DCUN1D4: variants seen among roughly 807,000 people sequenced by gnomAD.
The protein encoded by DCUN1D4 is DCN1-like protein 4.
In DCUN1D4, 22 loss-of-function variants were observed where a neutral mutation model predicts 47.9. The observed-to-expected ratio is 0.46, with a 90% confidence interval of 0.33 to 0.66. The LOEUF (loss-of-function observed/expected upper bound fraction) is 0.66. DCUN1D4 is among the 30% of genes least tolerant of loss of function. The pLI, the probability that DCUN1D4 is intolerant of heterozygous loss-of-function variation, is 0.02. For missense variants in DCUN1D4, 301 were observed against 340.8 expected (o/e 0.88, Z 0.92); for synonymous variants, 121 against 112.2 (o/e 1.08, Z -0.50).
chr4:51,854,129 T>G (rs1723782781), intron 1 of DCUN1D4, among the ~76,000 whole-genome samples: 1 of 152,234 alleles, frequency 6.6e-6, no homozygotes, highest in East Asian at 1.9e-4. Flanking sequence ...TCTTTGTGTT[T>G]TAGTAATTTA....
intron 3 of DCUN1D4, among the ~76,000 whole-genome samples, chr4:51,872,641 A>G (rs1289213848): frequency 2.0e-5 from 3 of 152,002 alleles, no homozygotes; most frequent in Non-Finnish European, 4.4e-5. Context: ...CTCTGTCCTT[A>G]GTCCTCTGTT....
intron 4 of DCUN1D4, among the ~76,000 whole-genome samples, chr4:51,875,781 A>G (rs912703524): frequency 3.9e-5 from 6 of 152,234 alleles, no homozygotes; most frequent in Admixed American, 1.3e-4. Flanking sequence ...GAAATAGCAT[A>G]TATCAGCATA....
At chr4:51,867,451 G>A (rs973908349) in intron 3 of DCUN1D4, among the ~76,000 whole-genome samples, 1 of 152,212 alleles carries the variant, frequency 6.6e-6, no homozygotes, top group South Asian at 2.1e-4. Context: ...GAAGAATGAG[G>A]TATGCAGACA....
At chr4:51,834,114 C>CTTTTTTTTTTTTTTTTTT in the DCUN1D4 span, among the ~76,000 whole-genome samples, 2 of 37,204 alleles carry the variant, frequency 5.4e-5, no homozygotes, top group African/African-American at 2.1e-4. Flanking sequence ...TTTTTTTTTT[C>CTTTTTTTTTTTTTTTTTT]TTTTTTTTTT....
chr4:51,854,993 C>G (rs1006274825), intron 1 of DCUN1D4, among the ~76,000 whole-genome samples: 2 of 152,150 alleles, frequency 1.3e-5, no homozygotes, highest in African/African-American at 2.4e-5. Context: ...CTGAAATGCT[C>G]TGGTCCCAAG....
upstream of DCUN1D4, among the ~76,000 whole-genome samples, chr4:51,839,083 C>CAG (rs1220908716): frequency 3.3e-4 from 45 of 138,030 alleles, no homozygotes; most frequent in East Asian, 1.7e-3. Context: ...TCAAAAGAGA[C>CAG]AGAGAGAGAG....
intron 1 of DCUN1D4, among the ~76,000 whole-genome samples, chr4:51,849,362 G>T (rs1044288989): frequency 3.3e-5 from 5 of 152,160 alleles, no homozygotes; most frequent in Non-Finnish European, 5.9e-5. Flanking sequence ...GTTATGGCCA[G>T]GGGGAGATTC....
At chr4:51,884,549 C>T (rs1577971524) in intron 5 of DCUN1D4, 2 of 152,200 alleles carry the variant, frequency 1.3e-5, no homozygotes, top group Admixed American at 6.5e-5. Flanking sequence ...AGAGCGTTTC[C>T]TATATTCTGG....
At position 51,891,877 on chromosome 4, in the gene DCUN1D4, G is replaced by A. The variant is rs142980958; in HGVS notation, c.506+26G>A. The A allele has an allele frequency of 2.6e-6, 4 of 1,557,322 alleles. No individual in the cohort carries two copies. The African/African-American group carries it at 4.1e-5, about 16-fold the overall frequency. ...GTAAGTCCTAGGCTGCACTAGTGGG[G>A]GTCCCTGCCCTTCCCAGGTGGTTGC... On this transcript the variant is annotated intron_variant, in intron 7 of 10. Transcript: ENST00000334635.
intron 7 of DCUN1D4, among the ~76,000 whole-genome samples, chr4:51,892,730 A>C (rs1730623824): frequency 6.7e-6 from 1 of 150,040 alleles, no homozygotes; most frequent in South Asian, 2.1e-4. Flanking sequence ...ACAAATTGTC[A>C]TTCTATATTA....
At chr4:51,854,951 TACAA>T (rs1329549934) in intron 1 of DCUN1D4, among the ~76,000 whole-genome samples, 1 of 152,144 alleles carries the variant, frequency 6.6e-6, no homozygotes, top group African/African-American at 2.4e-5. Context: ...GTGAGTATAA[TACAA>T]ACAACAAAAC....
At chr4:51,892,423 T>G (rs1730570320) in intron 7 of DCUN1D4, among the ~76,000 whole-genome samples, 1 of 152,220 alleles carries the variant, frequency 6.6e-6, no homozygotes, top group Non-Finnish European at 1.5e-5. Context: ...CGGTGCAGTT[T>G]TAGAGCTTAA....
chr4:51,844,319 G>A (rs1215964271), intron 1 of DCUN1D4: 27 of 984,026 alleles, frequency 2.7e-5, no homozygotes, highest in Non-Finnish European at 3.3e-5. Flanking sequence ...AGAGGAGGGG[G>A]CGGGGCTGAG....
rs1222652152 is a variant in DCUN1D4, at chr4:51,915,415, C to T, written c.*1831C>T. 2.0e-5 allele frequency: 3 copies of T among 152,490 alleles called. No individual in the cohort carries two copies. Among genetic ancestry groups the T allele is most frequent in the Non-Finnish European group, 4.4e-5 (3 of 68,004 alleles). The allele number at this position is 152,490 out of a possible 1,614,324, so 9.4% of individuals were successfully genotyped here. ...TCACTTTCAACCTTAAAAATTAATACCAGTTTGCATAAACCAATATCTGAA... is the reference window on the plus strand; with the variant it reads ...TCACTTTCAACCTTAAAAATTAATATCAGTTTGCATAAACCAATATCTGAA... On this transcript the variant is annotated 3_prime_UTR_variant, in exon 11 of 11. Coordinates refer to ENST00000334635, the MANE Select transcript of DCUN1D4 (RefSeq NM_001040402.3).
In DCUN1D4 at chr4:51,911,075, G is replaced by A. The variant is rs1733652040; in HGVS notation, c.621G>A (p.Lys207=). The A allele has an allele frequency of 2.5e-6, 4 of 1,613,654 alleles. No individual in the cohort carries two copies. Among genetic ancestry groups the A allele is most frequent in the Non-Finnish European group, 3.4e-6 (4 of 1,179,734 alleles). ...YRYAFDFARE[K]DQRSLDINTA... is the part of the protein sequence containing the mutation. ...TGTTTTTGTTTGTTAAACAGGAAAAGGACCAGCGCAGCCTAGACATAAACA... is the reference window on the plus strand; with the variant it reads ...TGTTTTTGTTTGTTAAACAGGAAAAAGACCAGCGCAGCCTAGACATAAACA... Residue 207 remains lysine, a synonymous_variant, in exon 9 of 11, where the codon AAG becomes AAA. Coordinates refer to ENST00000334635, the MANE Select transcript of DCUN1D4 (RefSeq NM_001040402.3).
rs1357547594 is a variant in DCUN1D4, at chr4:51,915,217, GAA to G, written c.*1635_*1636del. 6.6e-6 allele frequency: 1 copy of G among 152,456 alleles called. No homozygotes were observed. The highest frequency in any genetic ancestry group is 1.5e-5 in the Non-Finnish European group (1 of 67,974). The allele number at this position is 152,456 out of a possible 1,614,324, so 9.4% of individuals were successfully genotyped here. A position where few individuals can be genotyped will look rare whatever the true frequency, so the allele number is the denominator to read the frequency against. Reference sequence around the variant, plus strand: ...TTTTTTCCCTAACTAAACCACCAAAGAAAGAAATTTTGTATGTATATACAGTG... The same window carrying G: ...TTTTTTCCCTAACTAAACCACCAAAGAGAAATTTTGTATGTATATACAGTG... On this transcript the variant is annotated 3_prime_UTR_variant, in exon 11 of 11. Transcript: ENST00000334635.
chr4:51,873,784 C>G (rs1286748390), intron 3 of DCUN1D4, among the ~76,000 whole-genome samples: 1 of 152,184 alleles, frequency 6.6e-6, no homozygotes. Flanking sequence ...TGTCAGACTT[C>G]TGCTTAAAAA....
chr4:51,834,114 C>CTTTTTTTTTTTTTT, the DCUN1D4 span, among the ~76,000 whole-genome samples: 2 of 37,204 alleles, frequency 5.4e-5, 1 homozygote, highest in African/African-American at 2.1e-4. Flanking sequence ...TTTTTTTTTT[C>CTTTTTTTTTTTTTT]TTTTTTTTTT....
chr4:51,838,483 G>A (rs531752834), upstream of DCUN1D4, among the ~76,000 whole-genome samples: 15 of 152,120 alleles, frequency 9.9e-5, no homozygotes, highest in African/African-American at 3.6e-4. Context: ...TAGGGCTCAA[G>A]GGATCCTCCC....
Sources: gnomAD v4.1 joint callset for allele counts (sites outside exome capture counted in the v4.1 genomes callset) on GRCh38, gnomAD v4.1.1 for gene constraint, MANE v1.5 for transcripts, NCBI Gene and HGNC (gene_info 2026-07-23, HGNC 2026-07-21) for gene names.